The following KIF1A variants were observed in gnomAD, a reference collection of about 807,000 sequenced individuals.
KIF1A encodes kinesin-like protein KIF1A.
Under a neutral mutation model 227.3 loss-of-function variants are expected in KIF1A, and 46 were observed. That is an observed-to-expected ratio of 0.20 (90% CI 0.16 to 0.26). KIF1A has a LOEUF of 0.26. Among genes scored for constraint, KIF1A ranks in the 10% least tolerant of loss-of-function variants. KIF1A has a pLI of 1.00. For missense variants in KIF1A, 1,683 were observed against 2,485.9 expected (o/e 0.68, Z 6.87); for synonymous variants, 1,022 against 1,012.8 (o/e 1.01, Z -0.17).
At chr2:240,786,307 G>A (rs1239782949) in intron 6 of KIF1A, 28 bp downstream of exon 6, 2 of 1,602,294 alleles carry the variant, frequency 1.2e-6, no homozygotes, top group Non-Finnish European at 1.7e-6. Context: ...CAGGAGGGCA[G>A]GGAGGTCCAG....
intron 1 of KIF1A, among the ~76,000 whole-genome samples, chr2:240,804,603 T>C (rs975296015): frequency 6.6e-6 from 1 of 151,906 alleles, no homozygotes; most frequent in Non-Finnish European, 1.5e-5. Context: ...CAAAATTGAA[T>C]CCTTCAAAGC....
At chr2:240,764,415 C>G (rs2050893920) in intron 20 of KIF1A, among the ~76,000 whole-genome samples, 1 of 152,240 alleles carries the variant, frequency 6.6e-6, no homozygotes, top group Non-Finnish European at 1.5e-5. Context: ...CAGGCTTAGC[C>G]ACACCGACTC....
At chr2:240,776,034 G>A (rs2052685721) in intron 10 of KIF1A, 108 bp from the exon 11 acceptor site, 3 of 784,004 alleles carry the variant, frequency 3.8e-6, no homozygotes, top group Non-Finnish European at 6.7e-6. Context: ...TGGAGGCTGG[G>A]CAAGGGGCGG....
intron 27 of KIF1A, among the ~76,000 whole-genome samples, chr2:240,754,314 G>C (rs375365165): frequency 6.6e-6 from 1 of 151,710 alleles, no homozygotes. Flanking sequence ...CCAGGCCACC[G>C]GTGGGACATG....
chr2:240,740,732 T>C lies in KIF1A; in HGVS notation c.3750-368A>G, dbSNP rs2047860678. Among the ~76,000 whole-genome samples the C allele has an allele frequency of 6.6e-6, 1 of 151,802 alleles. No homozygotes were observed. The highest frequency in any genetic ancestry group is 1.5e-5 in the Non-Finnish European group (1 of 67,922). ...CCAGAGGAAATCCCAGCAGATGGGC[T>C]CGTCTTCTCCAACATCTAAGGCTCC... On this transcript the variant is annotated intron_variant, in intron 35 of 48. Transcript: ENST00000498729. This position sits in a 1 kb window ranked among gnomAD's most constrained non-coding sequence, Gnocchi z 6.1.
At chr2:240,770,314 G>A (rs2125944827) in intron 15 of KIF1A, among the ~76,000 whole-genome samples, 1 of 152,026 alleles carries the variant, frequency 6.6e-6, no homozygotes, top group South Asian at 2.1e-4. Context: ...GCACCAGGGA[G>A]CACACTGTGC....
At position 240,716,005 on chromosome 2, in the gene KIF1A, C is replaced by G. The variant is rs1170911466; in HGVS notation, c.*1359G>C. ...CCTCCCTAGGCCTCTGGACATGACT[C>G]CTATGACCAGACTCTCAGCTTGGGG... is the stretch of plus-strand genomic sequence containing the variant. On this transcript the variant is annotated 3_prime_UTR_variant, in exon 49 of 49. Coordinates refer to ENST00000498729, the MANE Select transcript of KIF1A (RefSeq NM_001244008.2). The G allele has an allele frequency of 1.3e-5, 2 of 152,278 alleles. No homozygotes were observed. Among genetic ancestry groups the G allele is most frequent in the Non-Finnish European group, 2.9e-5 (2 of 68,040 alleles). The allele number at this position is 152,278 out of a possible 1,614,324, so 9.4% of individuals were successfully genotyped here.
intron 10 of KIF1A, among the ~76,000 whole-genome samples, chr2:240,779,597 C>T (rs941727857): frequency 4.0e-5 from 6 of 151,860 alleles, no homozygotes; most frequent in Admixed American, 6.5e-5. Flanking sequence ...CAGTTCCACA[C>T]TCAGTTCCTC....
intron 37 of KIF1A, 147 bp from the exon 38 acceptor site, chr2:240,737,315 G>T (rs1283908897): frequency 3.5e-5 from 23 of 658,174 alleles, no homozygotes; most frequent in South Asian, 8.3e-5. Context: ...GGGGAACAGG[G>T]AGGCCCTACA....
intron 7 of KIF1A, 37 bp downstream of exon 7, chr2:240,784,939 ACCACCAGCCACTG>A (rs1181921668): frequency 6.8e-7 from 1 of 1,470,210 alleles, no homozygotes; most frequent in Admixed American, 1.7e-5. Flanking sequence ...CCCTACCCTG[ACCACCAGCCACTG>A]CCCTTGGTGG....
chr2:240,735,487 G>A (rs2047211109), intron 38 of KIF1A, among the ~76,000 whole-genome samples: 2 of 152,170 alleles, frequency 1.3e-5, no homozygotes, highest in Admixed American at 6.5e-5. Context: ...GGGTTGGGGG[G>A]CTGGAGCCCC....
chr2:240,719,289 A>G (rs2044971558), intron 46 of KIF1A, 91 bp from the exon 47 acceptor site: 2 of 1,404,956 alleles, frequency 1.4e-6, no homozygotes, highest in African/African-American at 2.9e-5. Flanking sequence ...GCTGGGACGC[A>G]GCAGTGCCAA....
chr2:240,771,221 G>A (rs1559514103), intron 14 of KIF1A, 117 bp from the exon 15 acceptor site: 2 of 1,252,564 alleles, frequency 1.6e-6, no homozygotes, highest in Admixed American at 2.1e-5. Context: ...GACAGAGGGA[G>A]GGAGAGAAAA....
At chr2:240,762,433 ATG>A (rs1553633640) in intron 23 of KIF1A, among the ~76,000 whole-genome samples, 2 of 152,196 alleles carry the variant, frequency 1.3e-5, no homozygotes, top group Non-Finnish European at 2.9e-5. Context: ...TAGAGGCAGC[ATG>A]TGTGTGCACG....
chr2:240,749,325 A>G (rs575812182), intron 28 of KIF1A, among the ~76,000 whole-genome samples: 42 of 152,082 alleles, frequency 2.8e-4, no homozygotes, highest in Admixed American at 2.2e-3. Context: ...GAGTTGGGGG[A>G]CTTGCCATCT....
chr2:240,730,228 AGGACCCACATG>A (rs1183340369), intron 38 of KIF1A, among the ~76,000 whole-genome samples: 1 of 152,194 alleles, frequency 6.6e-6, no homozygotes, highest in African/African-American at 2.4e-5. Flanking sequence ...TCACCCACAC[AGGACCCACATG>A]GGACCCACAT....
rs1454271542 is a variant in KIF1A, at chr2:240,766,749, T to TCTCTCA, written c.1684+165_1684+166insTGAGAG. ...CTCTCTCTCTCTCTCTCTCTCTCTCTCACACACACACACACACACACACAC... is the reference window on the plus strand; with the variant it reads ...CTCTCTCTCTCTCTCTCTCTCTCTCTCTCTCACACACACACACACACACACACACAC... On this transcript the variant is annotated intron_variant, in intron 19 of 48. Transcript: ENST00000498729. The surrounding 1 kb of genome is among the most constrained non-coding windows in gnomAD (Gnocchi z 5.0). Among the ~76,000 whole-genome samples, 70 of 109,018 alleles carry TCTCTCA rather than the reference T, an allele frequency of 6.4e-4. 1 individual carries two copies. Among genetic ancestry groups the TCTCTCA allele is most frequent in the African/African-American group, 2.6e-3 (63 of 24,160 alleles). 71.5% of individuals were successfully genotyped at this position (109,018 alleles called of 152,430 possible).
chr2:240,778,768 C>T lies in KIF1A; in HGVS notation c.883-2842G>A, dbSNP rs916062630. ...CTCTGCAGCTTTCCTCACGATTCTG[C>T]GCACCGTTCCACACACGGTTCCTCA... On this transcript the variant is annotated intron_variant, in intron 10 of 48. Coordinates refer to ENST00000498729, the MANE Select transcript of KIF1A (RefSeq NM_001244008.2). The surrounding 1 kb of genome is among the most constrained non-coding windows in gnomAD (Gnocchi z 7.2). Among the ~76,000 whole-genome samples, 7 of 151,944 alleles carry T rather than the reference C, an allele frequency of 4.6e-5. No individual in the cohort carries two copies. The highest frequency in any genetic ancestry group is 9.7e-5 in the African/African-American group (4 of 41,344).
chr2:240,741,166 G>T, intron 35 of KIF1A, 103 bp downstream of exon 35: 1 of 743,546 alleles, frequency 1.3e-6, no homozygotes, highest in South Asian at 1.7e-5. Context: ...CTGGAAGAAC[G>T]ACTCTGGATG....
Sources: gnomAD v4.1 joint callset for allele counts (sites outside exome capture counted in the v4.1 genomes callset) on GRCh38, gnomAD v4.1.1 for gene constraint, Gnocchi (gnomAD v3.1) non-coding constraint, MANE v1.5 for transcripts, NCBI Gene and HGNC (gene_info 2026-07-23, HGNC 2026-07-21) for gene names.